SLC7A14: variants seen among roughly 807,000 people sequenced by gnomAD.
SLC7A14 encodes the protein solute carrier family 7 member 14.
In SLC7A14, 37 loss-of-function variants were observed where a neutral mutation model predicts 60.2. The ratio of observed to expected loss-of-function variants is 0.61; its 90% CI spans 0.47 to 0.81. The LOEUF is 0.81. SLC7A14 is among the 30% of genes least tolerant of loss of function. The pLI is 0.00. For synonymous variants in SLC7A14, 399 were observed against 395.8 expected (o/e 1.01, Z -0.10); for missense variants, 886 against 982.7 (o/e 0.90, Z 1.32).
intron 2 of SLC7A14, among the ~76,000 whole-genome samples, chr3:170,510,282 C>G (rs568579465): frequency 6.7e-6 from 1 of 149,994 alleles, no homozygotes; most frequent in Non-Finnish European, 1.5e-5. Context: ...TCCAGCTGTT[C>G]GGGAGGCTGA....
At chr3:170,499,842 G>C (rs1560259792) in intron 3 of SLC7A14, among the ~76,000 whole-genome samples, 1 of 152,120 alleles carries the variant, frequency 6.6e-6, no homozygotes, top group Admixed American at 6.6e-5. Context: ...GTGTGGCCTT[G>C]GGCAAGTTGC....
chr3:170,567,310 T>C (rs904149105), intron 1 of SLC7A14, among the ~76,000 whole-genome samples: 1 of 151,436 alleles, frequency 6.6e-6, no homozygotes, highest in Admixed American at 6.6e-5. Context: ...TTTCCAATTT[T>C]ATCCATGTCC....
chr3:170,521,611 A>G (rs1226274968), intron 2 of SLC7A14, among the ~76,000 whole-genome samples: 2 of 152,218 alleles, frequency 1.3e-5, no homozygotes, highest in Admixed American at 6.5e-5. Context: ...TTAATAAGAA[A>G]ATAAAGAACC....
intron 1 of SLC7A14, among the ~76,000 whole-genome samples, chr3:170,563,665 C>A (rs960766377): frequency 1.3e-5 from 2 of 152,146 alleles, no homozygotes; most frequent in East Asian, 3.9e-4. Flanking sequence ...AGGTGATCCA[C>A]CCACCTCAGC....
chr3:170,467,389 G>T lies in SLC7A14; in HGVS notation c.1994-12C>A. On this transcript the variant is annotated splice_polypyrimidine_tract_variant and intron_variant, in intron 7 of 7. Coordinates refer to ENST00000231706, the MANE Select transcript of SLC7A14 (RefSeq NM_020949.3). ...ATAAATGAGCAGACCTGTGGGGCGA[G>T]GGGAAAGGTACAGGTGAATAAGCAA... 6.4e-7 allele frequency: 1 copy of T among 1,564,936 alleles called. No homozygotes were observed. Among genetic ancestry groups the T allele is most frequent in the Middle Eastern group, 1.9e-4 (1 of 5,372 alleles).
rs200076518 is a variant in SLC7A14 at position 170,526,075 on chromosome 3, TA to T, written c.304+557del. On this transcript the variant is annotated intron_variant, in intron 2 of 7. Transcript: ENST00000231706. Reference sequence around the variant, plus strand: ...CTGGGCGACAGAGCAAGACTCTGTTTAAAAAAAAAAAACCCAGAAAACAAAC... The same window carrying T: ...CTGGGCGACAGAGCAAGACTCTGTTTAAAAAAAAAAACCCAGAAAACAAAC... 6.3e-3 allele frequency among the ~76,000 whole-genome samples: 802 copies of T among 127,486 alleles called. 1 individual carries two copies. The highest frequency in any genetic ancestry group is 0.014 in the Admixed American group (172 of 11,978). 83.6% of individuals were successfully genotyped at this position (127,486 alleles called of 152,430 possible).
At chr3:170,560,115 G>C (rs77344314) in intron 1 of SLC7A14, among the ~76,000 whole-genome samples, 1 of 152,112 alleles carries the variant, frequency 6.6e-6, no homozygotes, top group South Asian at 2.1e-4. Flanking sequence ...CAGCACAGGA[G>C]GTCTATTGCT....
chr3:170,510,732 G>C (rs986363252), intron 2 of SLC7A14, among the ~76,000 whole-genome samples: 5 of 152,178 alleles, frequency 3.3e-5, no homozygotes, highest in Non-Finnish European at 7.3e-5. Context: ...CTTCTTCATT[G>C]TTGAAGCGGC....
intron 1 of SLC7A14, among the ~76,000 whole-genome samples, chr3:170,551,321 G>A (rs542566764): frequency 3.9e-5 from 6 of 152,204 alleles, no homozygotes; most frequent in African/African-American, 1.2e-4. Flanking sequence ...CATTTGGATT[G>A]TTTCCACTTT....
In SLC7A14 at chr3:170,486,355, G is replaced by A. The variant is rs1712030526; in HGVS notation, c.773C>T (p.Ala258Val). The A allele has an allele frequency of 4.3e-6, 7 of 1,614,116 alleles. No homozygotes were observed. The highest frequency in any genetic ancestry group is 5.1e-6 in the Non-Finnish European group (6 of 1,180,052). ...AATGAAAGCGTAGAAGCATGTTGCT[G>A]CTCCTTGCAGCACCTGTGTGGATGA... ...PHGWSGVLQG[A>V]ATCFYAFIGF... Residue 258 changes from alanine to valine, a missense_variant, in exon 5 of 8, where the codon GCA becomes GTA. Ala to Val is a moderately conservative substitution (Grantham distance 64). Transcript: ENST00000231706.
At chr3:170,494,463 A>G (rs1712318871) in intron 4 of SLC7A14, among the ~76,000 whole-genome samples, 1 of 152,242 alleles carries the variant, frequency 6.6e-6, no homozygotes, top group Non-Finnish European at 1.5e-5. Context: ...AAGGATGTGG[A>G]GCCCCTGAGA....
intron 1 of SLC7A14, among the ~76,000 whole-genome samples, chr3:170,551,193 A>G (rs971557683): frequency 6.6e-6 from 1 of 152,194 alleles, no homozygotes; most frequent in Non-Finnish European, 1.5e-5. Flanking sequence ...TAACGTTGTC[A>G]AAGTTCATCC....
rs1468038383 is a variant in SLC7A14 at position 170,480,860 on chromosome 3, A to G, written c.1422T>C (p.Ser474=). ...CCCCACATGTGTTGGTGGCTGGGCC[A>G]GAAAACTCATCCCCCTCACTCACAG... ...CSPVSEGDEF[S]GPATNTCGAK... Residue 474 remains serine (S), a synonymous_variant, in exon 7 of 8, where the codon TCT becomes TCC. Transcript: ENST00000231706. 1.2e-6 allele frequency: 2 copies of G among 1,614,136 alleles called. No homozygotes were observed. The highest frequency in any genetic ancestry group is 8.5e-7 in the Non-Finnish European group (1 of 1,180,032).
At chr3:170,564,593 G>T (rs1487525265) in intron 1 of SLC7A14, among the ~76,000 whole-genome samples, 2 of 152,208 alleles carry the variant, frequency 1.3e-5, no homozygotes, top group African/African-American at 4.8e-5. Flanking sequence ...TTTCTACAAA[G>T]CCTCTAGTCT....
At chr3:170,512,710 C>T (rs1166665288) in intron 2 of SLC7A14, among the ~76,000 whole-genome samples, 3 of 126,394 alleles carry the variant, frequency 2.4e-5, no homozygotes, top group Admixed American at 1.9e-4. Flanking sequence ...GTCGCCCAGG[C>T]TGGAGTGCAG....
rs1577502129 is a variant in SLC7A14, at chr3:170,483,331, A to C, written c.1098T>G (p.Gly366=). Reference sequence around the variant, plus strand: ...GCCCTTACCTGAAAAGGAGCCCGTCACCAGCCATGGCATAAATGACCCTCG... The same window carrying C: ...GCCCTTACCTGAAAAGGAGCCCGTCCCCAGCCATGGCATAAATGACCCTCG... ...PMPRVIYAMA[G]DGLLFRFLAH... The change falls in exon 6 of 8, where the codon GGT becomes GGG. Residue 366 remains glycine (G), a synonymous_variant. Transcript: ENST00000231706. The C allele has an allele frequency of 1.2e-6, 2 of 1,614,012 alleles. No individual in the cohort carries two copies. The highest frequency in any genetic ancestry group is 2.2e-5 in the South Asian group (2 of 91,078).
At chr3:170,478,329 C>T (rs548471356) in intron 7 of SLC7A14, among the ~76,000 whole-genome samples, 4 of 152,286 alleles carry the variant, frequency 2.6e-5, no homozygotes, top group East Asian at 3.9e-4. Context: ...CTGCCCTCCT[C>T]GGCCTCCCAA....
At chr3:170,477,164 G>A (rs572051348) in intron 7 of SLC7A14, among the ~76,000 whole-genome samples, 12 of 152,218 alleles carry the variant, frequency 7.9e-5, no homozygotes, top group Non-Finnish European at 1.5e-4. Context: ...GGTAGTAGGA[G>A]CCCCAGATTT....
chr3:170,486,445 C>T (rs1712034725), intron 4 of SLC7A14, 77 bp from the exon 5 acceptor site: 1 of 1,580,804 alleles, frequency 6.3e-7, no homozygotes. Flanking sequence ...AGTGCAATTG[C>T]TCTATGCCCT....
Sources: gnomAD v4.1 joint callset for allele counts (sites outside exome capture counted in the v4.1 genomes callset) on GRCh38, gnomAD v4.1.1 for gene constraint, MANE v1.5 for transcripts, NCBI Gene and HGNC (gene_info 2026-07-23, HGNC 2026-07-21) for gene names.